AP1M1: variants seen among roughly 807,000 people sequenced by gnomAD.
AP1M1 encodes AP-1 complex subunit mu-1.
A neutral mutation model predicts 57.1 loss-of-function variants in AP1M1; 18 were observed. The ratio of observed to expected loss-of-function variants is 0.32; its 90% CI spans 0.22 to 0.47. AP1M1 has a LOEUF of 0.47. AP1M1 is among the 20% of genes least tolerant of loss of function. The pLI is 1.00. For missense variants in AP1M1, 362 were observed against 593.5 expected, an observed-to-expected ratio of 0.61 and a Z score of 4.05; for synonymous variants, 241 against 237.9, an observed-to-expected ratio of 1.01 and a Z score of -0.12.
In AP1M1 at chr19:16,226,402, C is replaced by T. The variant is rs201947118; in HGVS notation, c.547-19C>T. ...GGTGAGTTGGGGACCTCCCCTCACG[C>T]CCACACCGCCACCCCCAGGTCAGCG... On this transcript the variant is annotated intron_variant, in intron 5 of 11. Coordinates refer to ENST00000291439, the MANE Select transcript of AP1M1 (RefSeq NM_032493.4). The T allele has an allele frequency of 3.4e-5, 52 of 1,519,196 alleles. No homozygotes were observed. The East Asian group carries it at 1.1e-3, about 33-fold the overall frequency. The allele number at this position is 1,519,196 out of a possible 1,614,324, so 94.1% of individuals were successfully genotyped here.
intron 10 of AP1M1, 79 bp downstream of exon 10, chr19:16,233,697 G>C (rs967485265): frequency 1.3e-5 from 20 of 1,504,690 alleles, no homozygotes; most frequent in Non-Finnish European, 1.8e-5. Context: ...GCCAGCTTGG[G>C]AAAGGGTGTC....
Position 16,207,068 on chromosome 19 carries a change from T to C in AP1M1, c.267+660T>C, listed in dbSNP as rs1032697727. ...ACGTGGTTTGATCTAAAGCAGCCTC[T>C]CTGGCTGCTGAGCAGAAGGAGGACT... On this transcript the variant is annotated intron_variant, in intron 3 of 11. Transcript: ENST00000291439. This position sits in a 1 kb window ranked among gnomAD's most constrained non-coding sequence, Gnocchi z 4.2. Among the ~76,000 whole-genome samples, 7 of 152,168 alleles carry C rather than the reference T, an allele frequency of 4.6e-5. No homozygotes were observed. The highest frequency in any genetic ancestry group is 1.4e-4 in the African/African-American group (6 of 41,426).
chr19:16,228,269 C>G lies in AP1M1; in HGVS notation c.888+61C>G. 1 of 1,558,694 alleles carries G rather than the reference C, an allele frequency of 6.4e-7. No individual in the cohort carries two copies. The highest frequency in any genetic ancestry group is 1.7e-5 in the Admixed American group (1 of 58,864). On this transcript the variant is annotated intron_variant, in intron 8 of 11. Coordinates refer to ENST00000291439, the MANE Select transcript of AP1M1 (RefSeq NM_032493.4). The surrounding 1 kb of genome is among the most constrained non-coding windows in gnomAD (Gnocchi z 5.0). ...GGTGTCTCTGGCCCGTCCCAGGAGC[C>G]TAACCGAGGGCTGGGGGTGCCGTAG... is the stretch of plus-strand genomic sequence containing the variant.
At chr19:16,198,311 AACTG>A in intron 1 of AP1M1, 1 of 301,918 alleles carries the variant, frequency 3.3e-6, no homozygotes, top group African/African-American at 2.2e-5. Flanking sequence ...GTTGCCAGGT[AACTG>A]ACTGCACCGC....
chr19:16,233,423 C>G, intron 9 of AP1M1, 70 bp from the exon 10 acceptor site: 1 of 1,472,166 alleles, frequency 6.8e-7, no homozygotes, highest in Non-Finnish European at 9.0e-7. Context: ...CCCATCGCCA[C>G]TAGGGCCAGA....
chr19:16,215,207 GGGGGAGAGGGGGGAGGGGGGA>G (rs2091513452), intron 5 of AP1M1, among the ~76,000 whole-genome samples: 1 of 44,798 alleles, frequency 2.2e-5, no homozygotes, highest in Non-Finnish European at 6.6e-5. Context: ...GGGCGGGGGG[GGGGGAGAGGGGGGAGGGGGGA>G]GGGGAGGGGA....
chr19:16,233,579 C>A lies in AP1M1; in HGVS notation c.1134C>A (p.Val378=). The A allele has an allele frequency of 6.2e-7, 1 of 1,610,990 alleles. No homozygotes were observed. The highest frequency in any genetic ancestry group is 1.1e-5 in the South Asian group (1 of 90,266). ...AGGAGGGCAAGCCCCCGATCAGTGTCAAGTTCGAGATCCCTTACTTCACTA... is the reference window on the plus strand; with the variant it reads ...AGGAGGGCAAGCCCCCGATCAGTGTAAAGTTCGAGATCCCTTACTTCACTA... The part of the protein sequence containing the change: ...EDKEGKPPIS[V]KFEIPYFTTS... Residue 378 remains valine (V), a synonymous_variant, in exon 10 of 12, where the codon GTC becomes GTA. Coordinates refer to ENST00000291439, the MANE Select transcript of AP1M1 (RefSeq NM_032493.4).
At chr19:16,209,579 A>G (rs1457720596) in intron 5 of AP1M1, among the ~76,000 whole-genome samples, 3 of 151,786 alleles carry the variant, frequency 2.0e-5, no homozygotes, top group Non-Finnish European at 4.4e-5. Context: ...GCAGGGTATG[A>G]GGTTAGAAAG....
rs192169185 is a variant in AP1M1 at position 16,240,950 on chromosome 19, A to G, written c.*6515A>G. On this transcript the variant is annotated 3_prime_UTR_variant, in exon 12 of 12. Coordinates refer to ENST00000291439, the MANE Select transcript of AP1M1 (RefSeq NM_032493.4). Reference sequence around the variant, plus strand: ...GAACTGGTTTCACAACTGGAACAACAAAAGTCCGAAGATAGAGCATGGCTT... The same window carrying G: ...GAACTGGTTTCACAACTGGAACAACGAAAGTCCGAAGATAGAGCATGGCTT... 2.0e-5 allele frequency: 3 copies of G among 152,376 alleles called. No individual in the cohort carries two copies. Among genetic ancestry groups the G allele is most frequent in the Admixed American group, 2.0e-4 (3 of 15,294 alleles). The allele number at this position is 152,376 out of a possible 1,614,324, so 9.4% of individuals were successfully genotyped here. A position where few individuals can be genotyped will look rare whatever the true frequency, so the allele number is the denominator to read the frequency against.
intron 1 of AP1M1, among the ~76,000 whole-genome samples, chr19:16,201,640 CGCCT>C (rs1568346857): frequency 6.6e-6 from 1 of 152,116 alleles, no homozygotes; most frequent in African/African-American, 2.4e-5. Flanking sequence ...TCAGATGATC[CGCCT>C]GCCTCAGCCT....
In AP1M1 at chr19:16,241,276, G is replaced by C. The variant is rs1474382788; in HGVS notation, c.*6841G>C. Reference sequence around the variant, plus strand: ...TGCAGTGAGCCGAGATCGCGCCACTGTACTCCAGCTTGGGCAAAGTGAGAT... The same window carrying C: ...TGCAGTGAGCCGAGATCGCGCCACTCTACTCCAGCTTGGGCAAAGTGAGAT... On this transcript the variant is annotated 3_prime_UTR_variant, in exon 12 of 12. Transcript: ENST00000291439. 6.8e-6 allele frequency: 1 copy of C among 148,006 alleles called. No individual in the cohort carries two copies. Among genetic ancestry groups the C allele is most frequent in the African/African-American group, 2.5e-5 (1 of 40,428 alleles). The allele number at this position is 148,006 out of a possible 1,614,324, so 9.2% of individuals were successfully genotyped here.
Position 16,228,752 on chromosome 19 carries a change from C to T in AP1M1, c.889-18C>T, listed in dbSNP as rs1359617094. The T allele has an allele frequency of 6.2e-7, 1 of 1,613,296 alleles. No individual in the cohort carries two copies. Among genetic ancestry groups the T allele is most frequent in the Non-Finnish European group, 8.5e-7 (1 of 1,179,748 alleles). ...CCTTGGCCTCCATAACCCCGGGCCGCATTGGCCTGGCCTGCAGGCCAAAAG... is the reference window on the plus strand; with the variant it reads ...CCTTGGCCTCCATAACCCCGGGCCGTATTGGCCTGGCCTGCAGGCCAAAAG... On this transcript the variant is annotated intron_variant, in intron 8 of 11. Transcript: ENST00000291439. This position sits in a 1 kb window ranked among gnomAD's most constrained non-coding sequence, Gnocchi z 5.0.
chr19:16,238,332 A>C lies in AP1M1; in HGVS notation c.*3897A>C, dbSNP rs2091632887. 1 of 152,220 alleles carries C rather than the reference A, an allele frequency of 6.6e-6. No individual in the cohort carries two copies. Among genetic ancestry groups the C allele is most frequent in the Admixed American group, 6.5e-5 (1 of 15,268 alleles). The allele number at this position is 152,220 out of a possible 1,614,324, so 9.4% of individuals were successfully genotyped here. ...TTACAGCAGCATAGTTCATGATAGC[A>C]GGAAATTGGAAAGCAACCAAAAGTC... On this transcript the variant is annotated 3_prime_UTR_variant, in exon 12 of 12. Coordinates refer to ENST00000291439, the MANE Select transcript of AP1M1 (RefSeq NM_032493.4).
Position 16,245,190 on chromosome 19 carries a change from C to G in AP1M1, c.*10755C>G, listed in dbSNP as rs955931740. ...GGATTACAGGCATGAGCCACTGCGC[C>G]CAGCCAAATCTGCATTTTGATAAGT... On this transcript the variant is annotated 3_prime_UTR_variant, in exon 12 of 12. Transcript: ENST00000291439. The G allele has an allele frequency of 6.6e-6, 1 of 151,892 alleles. No homozygotes were observed. The highest frequency in any genetic ancestry group is 2.4e-5 in the African/African-American group (1 of 41,320). The allele number at this position is 151,892 out of a possible 1,614,324, so 9.4% of individuals were successfully genotyped here.
At chr19:16,210,404 A>G (rs1438030627) in intron 5 of AP1M1, 2 of 718,222 alleles carry the variant, frequency 2.8e-6, no homozygotes, top group South Asian at 1.5e-5. Flanking sequence ...CGGTAAGTGT[A>G]TGTTTACCTT....
At chr19:16,234,310 T>C in intron 11 of AP1M1, 36 bp downstream of exon 11, 13 of 1,611,610 alleles carry the variant, frequency 8.1e-6, no homozygotes, top group Non-Finnish European at 1.1e-5. Flanking sequence ...GGGGTTGTAC[T>C]GAGGGGTCCT....
chr19:16,227,475 C>T lies in AP1M1; in HGVS notation c.674-73C>T, dbSNP rs2091576248. 6.5e-7 allele frequency: 1 copy of T among 1,550,340 alleles called. No individual in the cohort carries two copies. The highest frequency in any genetic ancestry group is 8.8e-7 in the Non-Finnish European group (1 of 1,132,468). On this transcript the variant is annotated intron_variant, in intron 6 of 11. Transcript: ENST00000291439. This position sits in a 1 kb window ranked among gnomAD's most constrained non-coding sequence, Gnocchi z 6.2. Reference sequence around the variant, plus strand: ...GGCCCTGCTCTGCCGGGGTGGGTTGCAGGTGGTAGGAGTACTGCTGAGATA... The same window carrying T: ...GGCCCTGCTCTGCCGGGGTGGGTTGTAGGTGGTAGGAGTACTGCTGAGATA...
rs388955 is a variant in AP1M1 at position 16,245,795 on chromosome 19, G to A, written c.*11360G>A. 108,568 of 152,000 alleles carry A rather than the reference G, an allele frequency of 0.71. 39,004 individuals carry two copies. Among genetic ancestry groups the A allele is most frequent in the Admixed American group, 0.77 (11,784 of 15,254 alleles). The allele number at this position is 152,000 out of a possible 1,614,324, so 9.4% of individuals were successfully genotyped here. ...TATGTTCTCTTTTATGTCCTCTCTG[G>A]ATTTATTACAGATTGTTTGTGGCTT... On this transcript the variant is annotated 3_prime_UTR_variant, in exon 12 of 12. Coordinates refer to ENST00000291439, the MANE Select transcript of AP1M1 (RefSeq NM_032493.4).
chr19:16,199,705 C>A (rs1367717136), intron 1 of AP1M1, among the ~76,000 whole-genome samples: 3 of 152,222 alleles, frequency 2.0e-5, no homozygotes, highest in Non-Finnish European at 2.9e-5. Context: ...CCTCCCCCGC[C>A]TTCTTGGAAG....
Sources: gnomAD v4.1 joint callset for allele counts (sites outside exome capture counted in the v4.1 genomes callset) on GRCh38, gnomAD v4.1.1 for gene constraint, Gnocchi (gnomAD v3.1) non-coding constraint, MANE v1.5 for transcripts, NCBI Gene and HGNC (gene_info 2026-07-23, HGNC 2026-07-21) for gene names.